TMEFF1: variants seen among roughly 807,000 people sequenced by gnomAD.
TMEFF1 encodes the protein tomoregulin-1.
A neutral mutation model predicts 47.5 loss-of-function variants in TMEFF1; 20 were observed. That is an observed-to-expected ratio of 0.42 (90% CI 0.30 to 0.61). The LOEUF (loss-of-function observed/expected upper bound fraction) is 0.61, where lower values mean the gene tolerates loss of function less well. Ranked by LOEUF, TMEFF1 falls within the 20% of genes least tolerant of loss-of-function variation. The pLI, the probability that TMEFF1 is intolerant of heterozygous loss-of-function variation, is 0.19. For missense variants in TMEFF1, 411 were observed against 471.1 expected, an observed-to-expected ratio of 0.87 and a Z score of 1.18; for synonymous variants, 162 against 166.3, an observed-to-expected ratio of 0.97 and a Z score of 0.20.
intron 5 of TMEFF1, among the ~76,000 whole-genome samples, chr9:100,531,727 G>GA (rs1384437681): frequency 2.0e-5 from 3 of 151,956 alleles, no homozygotes; most frequent in South Asian, 4.2e-4. Flanking sequence ...CACAGAATTG[G>GA]AAAAAACTAC....
rs1838084216 is a variant in TMEFF1, at chr9:100,516,881, A to G, written c.560+110A>G. 6.5e-6 allele frequency: 9 copies of G among 1,379,610 alleles called. No homozygotes were observed. The East Asian group carries it at 1.3e-4, about 20-fold the overall frequency. The allele number at this position is 1,379,610 out of a possible 1,614,324, so 85.5% of individuals were successfully genotyped here. ...GTTCTGTATCTTTTGTGTGTTTTCA[A>G]ATTTTTTTTTTGTTTAATGCTAGTC... On this transcript the variant is annotated intron_variant, in intron 5 of 9. Transcript: ENST00000374879.
intron 1 of TMEFF1, among the ~76,000 whole-genome samples, chr9:100,490,285 CTCA>C (rs1837525674): frequency 6.6e-6 from 1 of 152,076 alleles, no homozygotes; most frequent in African/African-American, 2.4e-5. Context: ...CTTTTTCCTC[CTCA>C]TATCTTTATA....
chr9:100,518,671 T>C (rs1838111809), intron 5 of TMEFF1, among the ~76,000 whole-genome samples: 1 of 152,244 alleles, frequency 6.6e-6, no homozygotes, highest in Non-Finnish European at 1.5e-5. Flanking sequence ...GTTGGTAATA[T>C]CTAATCTTTT....
intron 7 of TMEFF1, among the ~76,000 whole-genome samples, 159 bp downstream of exon 7, chr9:100,550,319 A>G (rs1354046297): frequency 6.6e-6 from 1 of 152,244 alleles, no homozygotes; most frequent in African/African-American, 2.4e-5. Flanking sequence ...TAACAGAAAC[A>G]GCTGAAGTTC....
intron 5 of TMEFF1, among the ~76,000 whole-genome samples, chr9:100,528,077 A>G (rs997491033): frequency 5.3e-5 from 8 of 151,702 alleles, no homozygotes; most frequent in South Asian, 2.1e-4. Flanking sequence ...CATCCACACC[A>G]AAAACCCATC....
intron 5 of TMEFF1, among the ~76,000 whole-genome samples, chr9:100,540,065 C>A (rs976374218): frequency 2.0e-5 from 3 of 152,090 alleles, no homozygotes; most frequent in Non-Finnish European, 4.4e-5. Context: ...CTGATTGGTG[C>A]GTTTACAAAC....
intron 5 of TMEFF1, among the ~76,000 whole-genome samples, chr9:100,534,002 C>A (rs1248584378): frequency 6.6e-6 from 1 of 152,128 alleles, no homozygotes; most frequent in African/African-American, 2.4e-5. Context: ...CAGGCGTGAG[C>A]CACCACTCCC....
In TMEFF1 at chr9:100,497,914, GT is replaced by G. The variant is rs76597614; in HGVS notation, c.197-838del. On this transcript the variant is annotated intron_variant, in intron 1 of 9. Coordinates refer to ENST00000374879, the MANE Select transcript of TMEFF1 (RefSeq NM_003692.5). ...ATGTATTCACCACTACACTGGGATG[GT>G]TTTTTTTTTTTTAAACAGTCATTTG... Among the ~76,000 whole-genome samples the G allele has an allele frequency of 2.0e-3, 292 of 142,504 alleles. 1 individual carries two copies. The East Asian group carries it at 0.027, about 13-fold the overall frequency. The allele number at this position is 142,504 out of a possible 152,430, so 93.5% of individuals were successfully genotyped here.
chr9:100,486,883 C>G (rs964920533), intron 1 of TMEFF1, among the ~76,000 whole-genome samples: 1 of 152,186 alleles, frequency 6.6e-6, no homozygotes, highest in African/African-American at 2.4e-5. Flanking sequence ...AGTGATACTC[C>G]CGCCTCAGCC....
intron 1 of TMEFF1, among the ~76,000 whole-genome samples, chr9:100,480,299 T>A (rs1363997685): frequency 1.3e-4 from 20 of 152,204 alleles, no homozygotes; most frequent in Non-Finnish European, 2.8e-4. Flanking sequence ...AAGTTGGCTC[T>A]CGTTTGTCAT....
intron 5 of TMEFF1, among the ~76,000 whole-genome samples, chr9:100,522,964 TC>T (rs1838192812): frequency 6.6e-6 from 1 of 152,174 alleles, no homozygotes; most frequent in South Asian, 2.1e-4. Flanking sequence ...GGTCTTGATC[TC>T]CTGACTTAGT....
chr9:100,509,365 C>G (rs571440796), intron 3 of TMEFF1, among the ~76,000 whole-genome samples: 66 of 152,242 alleles, frequency 4.3e-4, no homozygotes, highest in Non-Finnish European at 8.1e-4. Context: ...GCTTAACACT[C>G]TTTTTATAGG....
At chr9:100,522,796 A>G (rs1449218666) in intron 5 of TMEFF1, among the ~76,000 whole-genome samples, 2 of 151,968 alleles carry the variant, frequency 1.3e-5, no homozygotes, top group Admixed American at 6.6e-5. Context: ...GTGCAGTGGC[A>G]TGATCTCGGC....
intron 4 of TMEFF1, among the ~76,000 whole-genome samples, chr9:100,514,570 G>T (rs1471967642): frequency 1.3e-5 from 2 of 151,988 alleles, no homozygotes; most frequent in African/African-American, 4.8e-5. Flanking sequence ...ACAATATTGG[G>T]CTGGGCGCAG....
intron 8 of TMEFF1, among the ~76,000 whole-genome samples, chr9:100,568,628 A>T (rs1839171406): frequency 7.4e-6 from 1 of 135,202 alleles, no homozygotes; most frequent in South Asian, 2.3e-4. Context: ...GGTGTTTAAT[A>T]TATGCACAGA....
chr9:100,559,398 T>C (rs1043323643), intron 7 of TMEFF1, among the ~76,000 whole-genome samples: 22 of 152,216 alleles, frequency 1.4e-4, no homozygotes, highest in Non-Finnish European at 1.5e-5. Flanking sequence ...GATAAATTAG[T>C]GATCTGTTTT....
intron 5 of TMEFF1, among the ~76,000 whole-genome samples, chr9:100,533,061 G>C (rs560156523): frequency 7.8e-5 from 11 of 141,424 alleles, no homozygotes; most frequent in Admixed American, 7.5e-4. Flanking sequence ...ACACAGGAAG[G>C]GGAATATCAC....
At chr9:100,538,944 G>A (rs539567811) in intron 5 of TMEFF1, among the ~76,000 whole-genome samples, 4 of 151,636 alleles carry the variant, frequency 2.6e-5, no homozygotes, top group South Asian at 2.1e-4. Flanking sequence ...TTGCTCTGTC[G>A]CCCAGGCTGG....
At position 100,498,787 on chromosome 9, in the gene TMEFF1, C is replaced by T. The variant is rs201169780; in HGVS notation, c.219C>T (p.Asp73=). ...CAGAATTAAATGTGAGGGAGTCTGACGTAAGAGTTTGTGATGAGTCATCAT... is the reference window on the plus strand; with the variant it reads ...CAGAATTAAATGTGAGGGAGTCTGATGTAAGAGTTTGTGATGAGTCATCAT... ...NCSELNVRES[D]VRVCDESSCK... The change falls in exon 2 of 10, where the codon GAC becomes GAT. Residue 73 remains aspartate (D), a synonymous_variant. Transcript: ENST00000374879. The T allele has an allele frequency of 3.3e-5, 53 of 1,612,966 alleles. No homozygotes were observed. The East Asian group carries it at 5.6e-4, about 17-fold the overall frequency.
Sources: gnomAD v4.1 joint callset for allele counts (sites outside exome capture counted in the v4.1 genomes callset) on GRCh38, gnomAD v4.1.1 for gene constraint, MANE v1.5 for transcripts, NCBI Gene and HGNC (gene_info 2026-07-23, HGNC 2026-07-21) for gene names.